SLC12A1: variants seen among roughly 807,000 people sequenced by gnomAD.
SLC12A1 encodes the protein Na-K-2Cl cotransporter.
A neutral mutation model predicts 130.4 loss-of-function variants in SLC12A1; 89 were observed. The ratio of observed to expected loss-of-function variants is 0.68; its 90% CI spans 0.58 to 0.81. SLC12A1 has a LOEUF of 0.81. Ranked by LOEUF, SLC12A1 falls within the 40% of genes least tolerant of loss-of-function variation. The pLI, the probability that SLC12A1 is intolerant of heterozygous loss-of-function variation, is 0.00. For missense variants in SLC12A1, 1,310 were observed against 1,336.4 expected (o/e 0.98, Z 0.31); for synonymous variants, 499 against 460.0 (o/e 1.08, Z -1.09).
rs561064112 is a variant in SLC12A1 at position 48,294,911 on chromosome 15, A to ATTTATTTATTT, written c.2960+3048_2960+3058dup. On this transcript the variant is annotated intron_variant, in intron 24 of 26. Coordinates refer to ENST00000380993, the MANE Select transcript of SLC12A1 (RefSeq NM_000338.3). ...CCACTTCTTTTTATTTTATTTATTT[A>ATTTATTTATTT]TTTATTTATTTATTTTTAAGACAGG... Among the ~76,000 whole-genome samples the ATTTATTTATTT allele has an allele frequency of 7.6e-3, 1,150 of 150,914 alleles. 48 individuals carry two copies. In the East Asian group the frequency reaches 0.1, roughly 14 times the overall value.
intron 19 of SLC12A1, among the ~76,000 whole-genome samples, chr15:48,270,663 A>G (rs1202090949): frequency 7.3e-6 from 1 of 136,794 alleles, no homozygotes; most frequent in Non-Finnish European, 1.5e-5. Flanking sequence ...TATATTATAT[A>G]CTCCAAGTAT....
At chr15:48,256,443 G>A (rs1424737336) in intron 16 of SLC12A1, among the ~76,000 whole-genome samples, 1 of 152,178 alleles carries the variant, frequency 6.6e-6, no homozygotes, top group Admixed American at 6.5e-5. Flanking sequence ...CAGGGGGACT[G>A]TATTAGTCCA....
At chr15:48,234,165 G>T (rs2413890) in intron 8 of SLC12A1, among the ~76,000 whole-genome samples, 93,078 of 152,040 alleles carry the variant, frequency 0.61, 32,946 homozygotes, top group Non-Finnish European at 0.79. Flanking sequence ...ATTGTTTATG[G>T]TATTTATGCA....
intron 2 of SLC12A1, among the ~76,000 whole-genome samples, chr15:48,217,204 A>G (rs2041132807): frequency 6.6e-6 from 1 of 152,240 alleles, no homozygotes; most frequent in South Asian, 2.1e-4. Flanking sequence ...TTGCTAATAA[A>G]TACTTATATT....
At chr15:48,247,187 A>T in intron 12 of SLC12A1, 150 bp from the exon 13 acceptor site, 1 of 922,596 alleles carries the variant, frequency 1.1e-6, no homozygotes, top group Non-Finnish European at 1.7e-6. Flanking sequence ...ATCGATTCAA[A>T]TAATATAAAG....
At chr15:48,302,472 T>C (rs1265318442) in intron 26 of SLC12A1, among the ~76,000 whole-genome samples, 1 of 148,874 alleles carries the variant, frequency 6.7e-6, no homozygotes, top group Non-Finnish European at 1.5e-5. Flanking sequence ...TACAAAAAAT[T>C]AGCCGGGCGC....
Position 48,258,707 on chromosome 15 carries a change from T to C in SLC12A1, c.2043-493T>C, listed in dbSNP as rs192799536. ...CACCCCACTCTACCAGTACGAATTTTAGTCCATTTTCATGATGCTATGAAG... is the reference window on the plus strand; with the variant it reads ...CACCCCACTCTACCAGTACGAATTTCAGTCCATTTTCATGATGCTATGAAG... On this transcript the variant is annotated intron_variant, in intron 16 of 26. Transcript: ENST00000380993. 7.4e-4 allele frequency among the ~76,000 whole-genome samples: 113 copies of C among 152,326 alleles called. 1 individual carries two copies. The highest frequency in any genetic ancestry group is 2.4e-3 in the African/African-American group (101 of 41,566).
At chr15:48,246,489 A>G (rs558822008) in intron 11 of SLC12A1, among the ~76,000 whole-genome samples, 2 of 152,228 alleles carry the variant, frequency 1.3e-5, no homozygotes, top group South Asian at 2.1e-4. Flanking sequence ...AAAATTAAGA[A>G]TGTGAGAATG....
intron 4 of SLC12A1, chr15:48,226,260 G>A: frequency 2.1e-6 from 1 of 480,808 alleles, no homozygotes; most frequent in East Asian, 3.7e-5. Flanking sequence ...ACTTTCGATT[G>A]TGTTTACTTT....
Position 48,244,304 on chromosome 15 carries a change from T to C in SLC12A1, c.1301-449T>C, listed in dbSNP as rs147211445. Among the ~76,000 whole-genome samples the C allele has an allele frequency of 1.4e-4, 22 of 152,340 alleles. No homozygotes were observed. In the East Asian group the frequency reaches 4.2e-3, roughly 29 times the overall value. ...TAACTTATGCAAGGAATATCATTAG[T>C]TGAAAAGAGGGGCTGCGTTCTCTTA... On this transcript the variant is annotated intron_variant, in intron 10 of 26. Transcript: ENST00000380993.
chr15:48,207,381 C>T (rs1321592040), intron 1 of SLC12A1, among the ~76,000 whole-genome samples, 153 bp from the exon 2 acceptor site: 1 of 152,206 alleles, frequency 6.6e-6, no homozygotes, highest in Non-Finnish European at 1.5e-5. Flanking sequence ...GATTTAATTA[C>T]TCACATGACT....
intron 2 of SLC12A1, among the ~76,000 whole-genome samples, chr15:48,213,906 A>G (rs1354062928): frequency 6.6e-6 from 1 of 152,236 alleles, no homozygotes; most frequent in Non-Finnish European, 1.5e-5. Context: ...ATTAAACCAC[A>G]TAAATCAATG....
intron 4 of SLC12A1, chr15:48,221,228 C>G: frequency 1.5e-6 from 1 of 670,948 alleles, no homozygotes; most frequent in Non-Finnish European, 2.7e-6. Flanking sequence ...TCAAGGAGAT[C>G]TCTCTCTTTT....
intron 24 of SLC12A1, 100 bp downstream of exon 24, chr15:48,291,964 G>T: frequency 1.3e-6 from 1 of 758,424 alleles, no homozygotes; most frequent in Non-Finnish European, 2.2e-6. Context: ...ATTTACTGCA[G>T]CGACTTCTTG....
Position 48,220,614 on chromosome 15 carries a change from T to C in SLC12A1, c.421-20T>C, listed in dbSNP as rs200335764. On this transcript the variant is annotated intron_variant, in intron 2 of 26. Coordinates refer to ENST00000380993, the MANE Select transcript of SLC12A1 (RefSeq NM_000338.3). ...TGTTCATTGACCAACTACTGTGTTT[T>C]TGCTATCTATAAAATGCAGAATGTG... The C allele has an allele frequency of 3.7e-6, 6 of 1,608,900 alleles. No homozygotes were observed. Among genetic ancestry groups the C allele is most frequent in the Non-Finnish European group, 5.1e-6 (6 of 1,176,960 alleles).
rs1277738859 is a variant in SLC12A1 at position 48,285,206 on chromosome 15, A to T, written c.2586A>T (p.Lys862Asn). 2.5e-6 allele frequency: 4 copies of T among 1,613,826 alleles called. No individual in the cohort carries two copies. The African/African-American group carries it at 5.3e-5, about 22-fold the overall frequency. ...EESGGIRGLF[K>N]KAGKLNITKT... ...GTGGAGGCATCCGAGGCTTGTTTAAAAAAGCTGGCAAGTTGAACATTACTA... is the reference window on the plus strand; with the variant it reads ...GTGGAGGCATCCGAGGCTTGTTTAATAAAGCTGGCAAGTTGAACATTACTA... The change falls in exon 21 of 27, where the codon AAA becomes AAT. Residue 862 changes from lysine (K) to asparagine (N), a missense_variant. Lys to Asn is a moderately conservative substitution (Grantham distance 94). Coordinates refer to ENST00000380993, the MANE Select transcript of SLC12A1 (RefSeq NM_000338.3).
intron 10 of SLC12A1, among the ~76,000 whole-genome samples, chr15:48,243,563 G>A (rs1036450330): frequency 6.6e-6 from 1 of 152,070 alleles, no homozygotes; most frequent in Non-Finnish European, 1.5e-5. Flanking sequence ...GGCTGAGGCA[G>A]AGAATTGCTT....
intron 6 of SLC12A1, among the ~76,000 whole-genome samples, chr15:48,229,580 A>G (rs1286928450): frequency 1.3e-5 from 2 of 152,178 alleles, no homozygotes; most frequent in Non-Finnish European, 2.9e-5. Flanking sequence ...GGCTAATAAT[A>G]CTGTTATATG....
At chr15:48,301,733 CCT>C in intron 26 of SLC12A1, among the ~76,000 whole-genome samples, 1 of 152,062 alleles carries the variant, frequency 6.6e-6, no homozygotes, top group Non-Finnish European at 1.5e-5. Context: ...GGGCCCCTTC[CCT>C]GAGTGGATGT....
Sources: gnomAD v4.1 joint callset for allele counts (sites outside exome capture counted in the v4.1 genomes callset) on GRCh38, gnomAD v4.1.1 for gene constraint, MANE v1.5 for transcripts, NCBI Gene and HGNC (gene_info 2026-07-23, HGNC 2026-07-21) for gene names.